The following MICU3 variants were observed in gnomAD, a reference collection of about 807,000 sequenced individuals.
MICU3 encodes calcium uptake protein 3, mitochondrial.
MICU3 carries 62 observed loss-of-function variants against 66.5 expected under a neutral mutation model. The ratio of observed to expected loss-of-function variants is 0.93; its 90% confidence interval spans 0.76 to 1.15. MICU3 has a LOEUF of 1.15. Among genes scored for constraint, MICU3 ranks in the 50% most tolerant of loss-of-function variants. MICU3 has a pLI of 0.00. For synonymous variants in MICU3, 308 were observed against 240.7 expected (o/e 1.28, Z -2.59); for missense variants, 779 against 664.4 (o/e 1.17, Z -1.90).
intron 8 of MICU3, among the ~76,000 whole-genome samples, chr8:17,096,954 T>TG (rs1800761574): frequency 4.3e-5 from 5 of 115,210 alleles, no homozygotes; most frequent in Admixed American, 1.0e-4. Context: ...TCTAAATATA[T>TG]TTGTGTGTGT....
chr8:17,077,462 T>A (rs574738994), intron 3 of MICU3, among the ~76,000 whole-genome samples: 14 of 152,350 alleles, frequency 9.2e-5, no homozygotes, highest in African/African-American at 2.9e-4. Flanking sequence ...GATTCCTTTA[T>A]AACTGGCTCC....
intron 5 of MICU3, 102 bp downstream of exon 5, chr8:17,081,842 A>C (rs554187567): frequency 3.3e-6 from 2 of 611,496 alleles, no homozygotes; most frequent in African/African-American, 1.9e-5. Flanking sequence ...ATCAATATCC[A>C]TGCTGTTCTG....
chr8:17,045,589 G>A (rs936500485), intron 1 of MICU3, among the ~76,000 whole-genome samples: 6 of 152,218 alleles, frequency 3.9e-5, no homozygotes, highest in African/African-American at 1.4e-4. Flanking sequence ...TGAACATGTT[G>A]AGGTTCCTGG....
At chr8:17,111,861 A>C (rs561413365) in intron 11 of MICU3, among the ~76,000 whole-genome samples, 3 of 152,310 alleles carry the variant, frequency 2.0e-5, no homozygotes, top group African/African-American at 7.2e-5. Flanking sequence ...GTAATTTATA[A>C]AGGAAAGAGG....
At chr8:17,078,719 T>C (rs936169434) in intron 4 of MICU3, among the ~76,000 whole-genome samples, 2 of 152,114 alleles carry the variant, frequency 1.3e-5, no homozygotes, top group Non-Finnish European at 2.9e-5. Context: ...ATATATTTTA[T>C]TTAAGTAGAA....
intron 3 of MICU3, among the ~76,000 whole-genome samples, chr8:17,077,144 C>T (rs189697541): frequency 1.9e-4 from 29 of 152,242 alleles, no homozygotes; most frequent in African/African-American, 6.7e-4. Flanking sequence ...AAAGAAAAAG[C>T]TAAGCAGCAG....
intron 13 of MICU3, among the ~76,000 whole-genome samples, chr8:17,117,562 G>C (rs1232967019): frequency 6.7e-6 from 1 of 149,716 alleles, no homozygotes; most frequent in East Asian, 2.0e-4. Flanking sequence ...TTAAGAGCTA[G>C]AATATTCAAT....
chr8:17,038,785 C>T (rs778915908), intron 1 of MICU3, among the ~76,000 whole-genome samples: 9 of 152,032 alleles, frequency 5.9e-5, no homozygotes, highest in Non-Finnish European at 1.0e-4. Flanking sequence ...AACCCCGTCT[C>T]TACTGAAAGT....
At chr8:17,127,988 C>G in the MICU3 span, among the ~76,000 whole-genome samples, 48 of 152,070 alleles carry the variant, frequency 3.2e-4, no homozygotes, top group Non-Finnish European at 6.0e-4. Context: ...CACCAGGAAC[C>G]AGACCACATA....
intron 12 of MICU3, among the ~76,000 whole-genome samples, chr8:17,115,191 G>C (rs1314408489): frequency 6.6e-6 from 1 of 151,130 alleles, no homozygotes; most frequent in African/African-American, 2.4e-5. Context: ...CAGTCCCTAA[G>C]TGCTGATGAT....
intron 1 of MICU3, among the ~76,000 whole-genome samples, chr8:17,045,022 G>T (rs1814819769): frequency 6.6e-6 from 1 of 151,608 alleles, no homozygotes; most frequent in South Asian, 2.1e-4. Context: ...TATTTCATAT[G>T]TCTGGCTAAA....
Position 17,110,740 on chromosome 8 carries a change from GA to G in MICU3, c.1258-3352del, listed in dbSNP as rs1429222304. The stretch of plus-strand genomic sequence containing the variant: ...CACTGTACCTGGCAATTTTTTTGGG[GA>G]GGGGGGGGTAGAGACAGGGTTTTTT... On this transcript the variant is annotated intron_variant, in intron 11 of 14. Coordinates refer to ENST00000318063, the MANE Select transcript of MICU3 (RefSeq NM_181723.3). Among the ~76,000 whole-genome samples, 360 of 145,634 alleles carry G rather than the reference GA, an allele frequency of 2.5e-3. 4 individuals are homozygous for G. The highest frequency in any genetic ancestry group is 0.012 in the South Asian group (55 of 4,580).
chr8:17,137,705 CTTTTTTTTTTTTTTTTTT>C, the MICU3 span, among the ~76,000 whole-genome samples: 58,735 of 110,334 alleles, frequency 0.53, 14,646 homozygotes, highest in East Asian at 0.94. Context: ...TTTTCTTTTC[CTTTTTTTTTTTTTTTTTT>C]TTTTTTTTTT....
intron 1 of MICU3, 105 bp from the exon 2 acceptor site, chr8:17,063,979 C>A: frequency 1.4e-6 from 1 of 708,166 alleles, no homozygotes; most frequent in Non-Finnish European, 2.2e-6. Context: ...TATTTTCACA[C>A]TTCCTCATTT....
At position 17,069,702 on chromosome 8, in the gene MICU3, AAGTC is replaced by A. The variant is rs1819257710; in HGVS notation, c.552_555del (p.Lys184AsnfsTer7). On this transcript the variant is annotated frameshift_variant, in exon 3 of 15. Transcript: ENST00000318063. LOFTEE classifies it high-confidence loss of function. ...GTTTATTTTAGTTGCCAAAACTTGG[AAGTC>A]ACTTTCCAAACAGGTGAGTTAAAGC... The A allele has an allele frequency of 6.5e-7, 1 of 1,546,324 alleles. No individual in the cohort carries two copies. Among genetic ancestry groups the A allele is most frequent in the African/African-American group, 1.4e-5 (1 of 72,672 alleles).
rs1174010179 is a variant in MICU3, at chr8:17,027,310, C to A, written c.31C>A (p.Pro11Thr). 7.2e-7 allele frequency: 1 copy of A among 1,393,918 alleles called. No individual in the cohort carries two copies. Among genetic ancestry groups the A allele is most frequent in the Non-Finnish European group, 9.4e-7 (1 of 1,063,588 alleles). 86.3% of individuals were successfully genotyped at this position (1,393,918 alleles called of 1,614,324 possible). The change falls in exon 1 of 15, where the codon CCA becomes ACA. Residue 11 changes from proline (P) to threonine (T), a missense_variant. Transcript: ENST00000318063. Reference sequence around the variant, plus strand: ...TGCGCTGCGAAGGCTCTTGTGGCCGCCACCCCGGGTGTCTCCTCCACTCTG... The same window carrying A: ...TGCGCTGCGAAGGCTCTTGTGGCCGACACCCCGGGTGTCTCCTCCACTCTG... The part of the protein sequence containing the change: MAALRRLLWP[P>T]PRVSPPLCAH...
intron 9 of MICU3, among the ~76,000 whole-genome samples, chr8:17,103,662 GC>G (rs1265429208): frequency 1.3e-5 from 2 of 151,862 alleles, no homozygotes; most frequent in Non-Finnish European, 1.5e-5. Flanking sequence ...ATTTTCATAG[GC>G]CATTATACTT....
At chr8:17,108,811 C>T (rs1041125613) in intron 11 of MICU3, among the ~76,000 whole-genome samples, 2 of 152,138 alleles carry the variant, frequency 1.3e-5, no homozygotes, top group African/African-American at 4.8e-5. Flanking sequence ...CCATTCTTCT[C>T]AAAGTAAAAG....
intron 1 of MICU3, among the ~76,000 whole-genome samples, chr8:17,057,589 A>G (rs1056623347): frequency 6.6e-6 from 1 of 152,120 alleles, no homozygotes; most frequent in African/African-American, 2.4e-5. Context: ...AGAAATTAAG[A>G]ATTTTTCTTA....
Sources: gnomAD v4.1 joint callset for allele counts (sites outside exome capture counted in the v4.1 genomes callset) on GRCh38, gnomAD v4.1.1 for gene constraint, MANE v1.5 for transcripts, NCBI Gene and HGNC (gene_info 2026-07-23, HGNC 2026-07-21) for gene names.